The following TRDN variants were observed in gnomAD, a reference collection of about 807,000 sequenced individuals.
TRDN encodes the protein triadin in skeletal muscle.
In TRDN, 161 loss-of-function variants were observed where a neutral mutation model predicts 149.7. That is an observed-to-expected ratio of 1.08 (90% CI 0.95 to 1.23). The LOEUF (loss-of-function observed/expected upper bound fraction) is 1.23. Ranked by LOEUF, TRDN falls within the 50% of genes most tolerant of loss-of-function variation. The pLI is 0.00. For missense variants in TRDN, 896 were observed against 823.5 expected (o/e 1.09, Z -1.08); for synonymous variants, 294 against 250.5 (o/e 1.17, Z -1.64).
At chr6:123,516,556 G>T (rs940677881) in intron 5 of TRDN, among the ~76,000 whole-genome samples, 10 of 152,008 alleles carry the variant, frequency 6.6e-5, no homozygotes, top group Non-Finnish European at 1.0e-4. Context: ...TTGGATGAAT[G>T]CTTGAAATAT....
intron 23 of TRDN, among the ~76,000 whole-genome samples, chr6:123,321,717 A>T (rs1224030836): frequency 1.3e-5 from 2 of 152,030 alleles, no homozygotes; most frequent in African/African-American, 2.4e-5. Flanking sequence ...AAATAGCTTG[A>T]CTTCAATGTT....
chr6:123,255,096 G>A lies in TRDN; in HGVS notation c.1936C>T (p.His646Tyr). The part of the protein sequence containing the change: ...VSTRKESLQL[H>Y]NVTKAEKPAR... The stretch of plus-strand genomic sequence containing the variant: ...TCAAGATTACCTTTTGTCACATTGT[G>A]TAATTGAAGACTTTCTTTTCTTGTT... Residue 646 changes from histidine to tyrosine, a missense_variant, in exon 37 of 41, where the codon CAC becomes TAC. Transcript: ENST00000334268. The A allele has an allele frequency of 7.3e-7, 1 of 1,377,182 alleles. No individual in the cohort carries two copies. The highest frequency in any genetic ancestry group is 9.9e-7 in the Non-Finnish European group (1 of 1,011,326). 85.3% of individuals were successfully genotyped at this position (1,377,182 alleles called of 1,614,324 possible).
chr6:123,516,091 C>T, intron 6 of TRDN, 50 bp downstream of exon 6: 1 of 1,394,798 alleles, frequency 7.2e-7, no homozygotes, highest in South Asian at 1.6e-5. Context: ...AGTAGGAAGT[C>T]AATGGGAAAG....
intron 9 of TRDN, among the ~76,000 whole-genome samples, chr6:123,493,788 A>C (rs1180646214): frequency 6.6e-6 from 1 of 152,162 alleles, no homozygotes; most frequent in Non-Finnish European, 1.5e-5. Flanking sequence ...AGTCAGAGTC[A>C]ATGTCTCACC....
At chr6:123,429,735 T>C (rs1774256803) in intron 12 of TRDN, among the ~76,000 whole-genome samples, 1 of 152,216 alleles carries the variant, frequency 6.6e-6, no homozygotes, top group Non-Finnish European at 1.5e-5. Flanking sequence ...GGAAAATTTA[T>C]GATATTTGCA....
intron 1 of TRDN, among the ~76,000 whole-genome samples, chr6:123,618,933 C>T (rs992430075): frequency 6.6e-6 from 1 of 151,928 alleles, no homozygotes; most frequent in African/African-American, 2.4e-5. Context: ...TAATAATCAA[C>T]ATTTATTAAA....
intron 21 of TRDN, chr6:123,351,264 A>T (rs1780454146): frequency 3.1e-6 from 3 of 968,592 alleles, no homozygotes; most frequent in Non-Finnish European, 3.7e-6. Context: ...ACACATTTTC[A>T]TATCCTTTCA....
At chr6:123,600,874 C>A (rs548914374) in intron 1 of TRDN, among the ~76,000 whole-genome samples, 159 of 152,138 alleles carry the variant, frequency 1.0e-3, no homozygotes, top group African/African-American at 3.8e-3. Flanking sequence ...ACAATTACAT[C>A]TATTGAATAG....
intron 24 of TRDN, among the ~76,000 whole-genome samples, chr6:123,285,440 G>A (rs1235525105): frequency 1.3e-5 from 2 of 152,012 alleles, no homozygotes; most frequent in Non-Finnish European, 2.9e-5. Context: ...GTGGGGAAAG[G>A]ACACCCTATT....
intron 12 of TRDN, among the ~76,000 whole-genome samples, chr6:123,398,925 T>G (rs1346919): frequency 0.89 from 135,375 of 152,224 alleles, 60,393 homozygotes; most frequent in East Asian, 0.99. Context: ...TTTACAATAG[T>G]TAACATAATT....
intron 2 of TRDN, among the ~76,000 whole-genome samples, chr6:123,552,209 G>A (rs1781434228): frequency 1.3e-5 from 2 of 152,026 alleles, no homozygotes; most frequent in Non-Finnish European, 2.9e-5. Flanking sequence ...ACTGCTTTAG[G>A]TTACTTGTGG....
At chr6:123,612,184 C>T (rs1420887688) in intron 1 of TRDN, among the ~76,000 whole-genome samples, 1 of 136,836 alleles carries the variant, frequency 7.3e-6, no homozygotes, top group Non-Finnish European at 1.5e-5. Flanking sequence ...TGAGAGGTCA[C>T]AGGAGTTCGA....
In TRDN at chr6:123,504,612, A is replaced by T. The variant is rs1778838989; in HGVS notation, c.611-711T>A. Among the ~76,000 whole-genome samples, 5 of 152,170 alleles carry T rather than the reference A, an allele frequency of 3.3e-5. No individual in the cohort carries two copies. The South Asian group carries it at 8.3e-4, about 25-fold the overall frequency. On this transcript the variant is annotated intron_variant, in intron 7 of 40. Transcript: ENST00000334268. ...CCCTTAAACATATCATGGGAAATTC[A>T]AAGGGCTATAAATAAAAATATATAT...
chr6:123,326,656 A>G (rs1779467932), intron 23 of TRDN, among the ~76,000 whole-genome samples: 1 of 151,916 alleles, frequency 6.6e-6, no homozygotes, highest in South Asian at 2.1e-4. Context: ...TCTATCATCT[A>G]TTTGAATTGA....
At chr6:123,417,609 G>A (rs114721405) in intron 12 of TRDN, among the ~76,000 whole-genome samples, 18 of 152,178 alleles carry the variant, frequency 1.2e-4, no homozygotes, top group African/African-American at 3.4e-4. Flanking sequence ...ATTCCCCCAC[G>A]TATCCTTGCC....
At chr6:123,378,842 G>A (rs868791243) in intron 16 of TRDN, among the ~76,000 whole-genome samples, 14 of 152,064 alleles carry the variant, frequency 9.2e-5, no homozygotes, top group African/African-American at 2.9e-4. Context: ...TTTATATAGC[G>A]TTTCTTTTCA....
At chr6:123,364,632 G>T (rs953749924) in intron 20 of TRDN, among the ~76,000 whole-genome samples, 5 of 152,162 alleles carry the variant, frequency 3.3e-5, no homozygotes, top group African/African-American at 1.2e-4. Flanking sequence ...TGGTGACAGA[G>T]AAAGACTGTC....
chr6:123,506,501 T>C (rs1404928758), intron 7 of TRDN, among the ~76,000 whole-genome samples: 1 of 152,180 alleles, frequency 6.6e-6, no homozygotes. Context: ...TTTTTGTTTT[T>C]TTGTTTAGAT....
intron 10 of TRDN, chr6:123,445,282 C>T (rs941140192): frequency 2.6e-5 from 4 of 151,518 alleles, no homozygotes; most frequent in African/African-American, 7.3e-5. Context: ...CCATAAAAAC[C>T]CTAGAAGAAA....
Sources: allele counts gnomAD v4.1 joint callset (sites outside exome capture counted in the v4.1 genomes callset), GRCh38; gene constraint gnomAD v4.1.1; transcripts MANE v1.5; gene names NCBI Gene and HGNC (gene_info 2026-07-23, HGNC 2026-07-21).